MDGA2: variants seen among roughly 807,000 people sequenced by gnomAD.
MDGA2 encodes MAM domain-containing glycosylphosphatidylinositol anchor protein 2.
In MDGA2, 40 loss-of-function variants were observed where a neutral mutation model predicts 117.8. The ratio of observed to expected loss-of-function variants is 0.34; its 90% CI spans 0.26 to 0.44. MDGA2 has a LOEUF of 0.44. Among genes scored for constraint, MDGA2 ranks in the 20% least tolerant of loss-of-function variants. The pLI is 1.00. For synonymous variants in MDGA2, 452 were observed against 439.0 expected (o/e 1.03, Z -0.37); for missense variants, 1,123 against 1,250.6 (o/e 0.90, Z 1.54).
chr14:47,271,058 C>T (rs1316688453), intron 2 of MDGA2, among the ~76,000 whole-genome samples: 1 of 152,136 alleles, frequency 6.6e-6, no homozygotes, highest in Non-Finnish European at 1.5e-5. Context: ...GTCTTGAATG[C>T]ATATGCTCTG....
At chr14:47,642,433 A>G (rs1427077704) in intron 1 of MDGA2, among the ~76,000 whole-genome samples, 2 of 152,078 alleles carry the variant, frequency 1.3e-5, no homozygotes, top group Non-Finnish European at 2.9e-5. Flanking sequence ...AGACAATAAC[A>G]TACATCCATT....
chr14:47,540,735 CAT>C (rs1467841741), intron 1 of MDGA2, among the ~76,000 whole-genome samples: 2 of 151,562 alleles, frequency 1.3e-5, no homozygotes, highest in Admixed American at 6.6e-5. Flanking sequence ...TAATTAAAAA[CAT>C]GTATTTTTTT....
intron 1 of MDGA2, among the ~76,000 whole-genome samples, chr14:47,446,929 A>G (rs1436747403): frequency 6.6e-6 from 1 of 152,156 alleles, no homozygotes; most frequent in Non-Finnish European, 1.5e-5. Flanking sequence ...CTATTCACAT[A>G]CTATGAATGA....
intron 1 of MDGA2, among the ~76,000 whole-genome samples, chr14:47,642,282 C>A (rs947253313): frequency 6.6e-6 from 1 of 152,054 alleles, no homozygotes; most frequent in Non-Finnish European, 1.5e-5. Context: ...TGAGAATTAA[C>A]TGAATCAGTA....
intron 2 of MDGA2, among the ~76,000 whole-genome samples, chr14:47,299,710 T>C (rs1285290387): frequency 6.6e-6 from 1 of 152,218 alleles, no homozygotes; most frequent in Non-Finnish European, 1.5e-5. Context: ...ATCCATTTCC[T>C]TGTTTCAATT....
intron 5 of MDGA2, among the ~76,000 whole-genome samples, chr14:47,102,676 G>T (rs908384148): frequency 2.6e-5 from 4 of 152,118 alleles, no homozygotes; most frequent in Non-Finnish European, 5.9e-5. Context: ...CAAGGGCACC[G>T]CAAAGCTCTC....
intron 1 of MDGA2, among the ~76,000 whole-genome samples, chr14:47,568,077 A>C (rs574617689): frequency 1.3e-5 from 2 of 152,226 alleles, no homozygotes; most frequent in Non-Finnish European, 2.9e-5. Context: ...GGCCCTAATA[A>C]TATGGATTAT....
Position 47,038,728 on chromosome 14 carries a change from G to C in MDGA2, c.1526-3424C>G, listed in dbSNP as rs558644275. 5.4e-4 allele frequency among the ~76,000 whole-genome samples: 82 copies of C among 151,796 alleles called. 1 individual carries two copies. The highest frequency in any genetic ancestry group is 1.9e-3 in the African/African-American group (78 of 41,392). Reference sequence around the variant, plus strand: ...CGAGGAGGGCAGATCACAAAGTCAGGAGATCAAGACCATCCTGGTCAACAC... The same window carrying C: ...CGAGGAGGGCAGATCACAAAGTCAGCAGATCAAGACCATCCTGGTCAACAC... On this transcript the variant is annotated intron_variant, in intron 7 of 16. Coordinates refer to ENST00000399232, the MANE Select transcript of MDGA2 (RefSeq NM_001113498.3).
In MDGA2 at chr14:47,155,888, C is replaced by CTTTTTTTTTTTT. The variant is rs55827732; in HGVS notation, c.596-11626_596-11615dup. Among the ~76,000 whole-genome samples the CTTTTTTTTTTTT allele has an allele frequency of 3.6e-3, 145 of 40,084 alleles. 13 individuals carry two copies. Among genetic ancestry groups the CTTTTTTTTTTTT allele is most frequent in the Non-Finnish European group, 4.5e-3 (104 of 22,990 alleles). The allele number at this position is 40,084 out of a possible 152,430, so 26.3% of individuals were successfully genotyped here. On this transcript the variant is annotated intron_variant, in intron 3 of 16. Transcript: ENST00000399232. ...ATTCTTTTCTTTTCTTCTTCTTCTT[C>CTTTTTTTTTTTT]TTTTTTTTTTTTTTTTTTTTTTTTT...
intron 2 of MDGA2, among the ~76,000 whole-genome samples, chr14:47,236,206 G>A (rs1303191653): frequency 2.0e-5 from 3 of 150,864 alleles, no homozygotes; most frequent in Non-Finnish European, 4.4e-5. Context: ...CAAGAGAATG[G>A]CGTCAACCCA....
In MDGA2 at chr14:47,656,012, G is replaced by T. The variant is rs144122328; in HGVS notation, c.280+18505C>A. On this transcript the variant is annotated intron_variant, in intron 1 of 16. Transcript: ENST00000399232. ...ACTGAAGGTTTTTCAGCAAGCCTGTGCCATTTGCAATATAGAATTACAAAT... is the reference window on the plus strand; with the variant it reads ...ACTGAAGGTTTTTCAGCAAGCCTGTTCCATTTGCAATATAGAATTACAAAT... 6.0e-3 allele frequency among the ~76,000 whole-genome samples: 913 copies of T among 152,262 alleles called. 11 individuals are homozygous for T. The highest frequency in any genetic ancestry group is 0.021 in the African/African-American group (857 of 41,546).
intron 5 of MDGA2, among the ~76,000 whole-genome samples, chr14:47,130,033 T>G (rs1882123729): frequency 2.0e-5 from 3 of 151,402 alleles, no homozygotes; most frequent in Non-Finnish European, 3.0e-5. Flanking sequence ...TTTCTCCCAT[T>G]TTGTAGGTTG....
At position 47,333,301 on chromosome 14, in the gene MDGA2, C is replaced by CTCTGTCAT. The variant is rs1890345743; in HGVS notation, c.281-31759_281-31752dup. ...CCCCTTTCTTTGCAGCCTCATCGAC[C>CTCTGTCAT]TCTGTCATTTTTTGTCTTTTTAATA... On this transcript the variant is annotated intron_variant, in intron 1 of 16. Coordinates refer to ENST00000399232, the MANE Select transcript of MDGA2 (RefSeq NM_001113498.3). 2.0e-5 allele frequency among the ~76,000 whole-genome samples: 3 copies of CTCTGTCAT among 151,826 alleles called. No homozygotes were observed. In the South Asian group the frequency reaches 6.2e-4, roughly 31 times the overall value.
At chr14:47,100,021 T>C (rs1880212592) in intron 5 of MDGA2, among the ~76,000 whole-genome samples, 1 of 152,066 alleles carries the variant, frequency 6.6e-6, no homozygotes, top group Non-Finnish European at 1.5e-5. Flanking sequence ...GTGGTCACTA[T>C]AGAATACAGT....
intron 3 of MDGA2, among the ~76,000 whole-genome samples, chr14:47,147,591 A>C (rs1594668806): frequency 6.6e-6 from 1 of 152,144 alleles, no homozygotes; most frequent in Non-Finnish European, 1.5e-5. Flanking sequence ...TGTTTGGCTT[A>C]TTTCTAGAGA....
In MDGA2 at chr14:47,189,204, C is replaced by T. The variant is rs79046976; in HGVS notation, c.595+28817G>A. Among the ~76,000 whole-genome samples, 1,222 of 152,156 alleles carry T rather than the reference C, an allele frequency of 8.0e-3. 9 individuals are homozygous for T. Among genetic ancestry groups the T allele is most frequent in the Non-Finnish European group, 0.014 (938 of 68,000 alleles). ...CCTTACCTCTTTCTCACCCTACCATCCCCTCCCTCCCCCATCCATATATAG... is the reference window on the plus strand; with the variant it reads ...CCTTACCTCTTTCTCACCCTACCATTCCCTCCCTCCCCCATCCATATATAG... On this transcript the variant is annotated intron_variant, in intron 3 of 16. Coordinates refer to ENST00000399232, the MANE Select transcript of MDGA2 (RefSeq NM_001113498.3).
rs1271727817 is a variant in MDGA2 at position 47,390,320 on chromosome 14, G to C, written c.281-88770C>G. On this transcript the variant is annotated intron_variant, in intron 1 of 16. Transcript: ENST00000399232. The stretch of plus-strand genomic sequence containing the variant: ...CCCAGAATGTCTTTCTCAAAGACTA[G>C]GGAAGTAACTTTTTGAAATGGAATC... Among the ~76,000 whole-genome samples the C allele has an allele frequency of 3.3e-5, 5 of 152,118 alleles. No homozygotes were observed. In the East Asian group the frequency reaches 9.6e-4, roughly 29 times the overall value.
intron 1 of MDGA2, among the ~76,000 whole-genome samples, chr14:47,318,167 CTT>C (rs1889866210): frequency 9.0e-6 from 1 of 110,974 alleles, no homozygotes; most frequent in Non-Finnish European, 2.2e-5. Flanking sequence ...CACTAGTGAT[CTT>C]TTCAAAATGA....
At chr14:47,587,199 G>C (rs1031688198) in intron 1 of MDGA2, among the ~76,000 whole-genome samples, 1 of 151,650 alleles carries the variant, frequency 6.6e-6, no homozygotes, top group African/African-American at 2.4e-5. Context: ...ATGGGTACTA[G>C]GCTTAATACC....
Sources: gnomAD v4.1 joint callset for allele counts (sites outside exome capture counted in the v4.1 genomes callset) on GRCh38, gnomAD v4.1.1 for gene constraint, MANE v1.5 for transcripts, NCBI Gene and HGNC (gene_info 2026-07-23, HGNC 2026-07-21) for gene names.